The following PTPRD variants were observed in gnomAD, a reference collection of about 807,000 sequenced individuals.
The protein encoded by PTPRD is protein tyrosine phosphatase receptor type D.
A neutral mutation model predicts 214.5 loss-of-function variants in PTPRD; 34 were observed. The observed-to-expected ratio is 0.16, with a 90% confidence interval of 0.12 to 0.21. The LOEUF (loss-of-function observed/expected upper bound fraction) is 0.21, where lower values mean the gene tolerates loss of function less well. Among genes scored for constraint, PTPRD ranks in the 10% least tolerant of loss-of-function variants. The pLI is 1.00. For synonymous variants in PTPRD, 1,128 were observed against 845.7 expected (o/e 1.33, Z -5.79); for missense variants, 2,545 against 2,398.7 (o/e 1.06, Z -1.27).
intron 2 of PTPRD, among the ~76,000 whole-genome samples, chr9:10,366,915 A>T (rs1342650754): frequency 6.6e-6 from 1 of 152,188 alleles, no homozygotes; most frequent in Admixed American, 6.5e-5. Context: ...AAAGAACACC[A>T]GGATAATGAT....
chr9:9,802,257 T>A (rs578204855), intron 5 of PTPRD, among the ~76,000 whole-genome samples: 1 of 152,076 alleles, frequency 6.6e-6, no homozygotes, highest in South Asian at 2.1e-4. Context: ...AAGATTCCTA[T>A]GGGTTGATAG....
chr9:9,125,891 T>C (rs534707564), intron 10 of PTPRD, among the ~76,000 whole-genome samples: 9 of 152,146 alleles, frequency 5.9e-5, no homozygotes, highest in Non-Finnish European at 1.2e-4. Flanking sequence ...GAGGTGACCT[T>C]TGAGCTGAAA....
At position 8,416,442 on chromosome 9, in the gene PTPRD, T is replaced by C. The variant is rs138093521; in HGVS notation, c.4087-11782A>G. Among the ~76,000 whole-genome samples, 521 of 152,322 alleles carry C rather than the reference T, an allele frequency of 3.4e-3. 3 individuals carry two copies. The highest frequency in any genetic ancestry group is 0.014 in the Middle Eastern group (4 of 294). On this transcript the variant is annotated intron_variant, in intron 35 of 45. Coordinates refer to ENST00000381196, the MANE Select transcript of PTPRD (RefSeq NM_002839.4). Reference sequence around the variant, plus strand: ...TCTTTAATTTTTCCATTTATGAACATTGAACTACTTTCCAGGAAGAGGGAA... The same window carrying C: ...TCTTTAATTTTTCCATTTATGAACACTGAACTACTTTCCAGGAAGAGGGAA...
At chr9:9,646,244 G>A (rs2096160362) in intron 7 of PTPRD, among the ~76,000 whole-genome samples, 1 of 151,630 alleles carries the variant, frequency 6.6e-6, no homozygotes, top group Admixed American at 6.6e-5. Flanking sequence ...TGCTCTTGAT[G>A]GAAAGTTTTC....
chr9:10,236,492 T>A (rs2099629316), intron 3 of PTPRD, among the ~76,000 whole-genome samples: 1 of 151,970 alleles, frequency 6.6e-6, no homozygotes, highest in Non-Finnish European at 1.5e-5. Context: ...ATAATTTGCA[T>A]ACTTGACTAC....
intron 4 of PTPRD, among the ~76,000 whole-genome samples, chr9:9,951,208 C>G (rs2093424819): frequency 6.6e-6 from 1 of 151,986 alleles, no homozygotes; most frequent in East Asian, 1.9e-4. Context: ...GAATTAGAAG[C>G]TTTGAGGGAA....
At chr9:8,919,776 C>T (rs1014679879) in intron 11 of PTPRD, among the ~76,000 whole-genome samples, 1 of 149,746 alleles carries the variant, frequency 6.7e-6, no homozygotes, top group Non-Finnish European at 1.5e-5. Flanking sequence ...CATGTATATG[C>T]ACATCTATGC....
chr9:10,314,177 G>A (rs972906285), intron 3 of PTPRD, among the ~76,000 whole-genome samples: 3 of 151,874 alleles, frequency 2.0e-5, no homozygotes, highest in Non-Finnish European at 4.4e-5. Flanking sequence ...TATTAATATG[G>A]TAGATACATA....
chr9:8,513,444 A>T (rs1415445422), intron 21 of PTPRD, among the ~76,000 whole-genome samples: 2 of 152,088 alleles, frequency 1.3e-5, no homozygotes, highest in Non-Finnish European at 2.9e-5. Context: ...ATCCGGTTTC[A>T]AACAAAAACA....
chr9:8,815,656 G>C (rs1286733142), intron 11 of PTPRD, among the ~76,000 whole-genome samples: 1 of 152,056 alleles, frequency 6.6e-6, no homozygotes, highest in Non-Finnish European at 1.5e-5. Context: ...TGAGATTATG[G>C]GTTTTTTTTC....
At chr9:9,427,811 T>A (rs946725610) in intron 8 of PTPRD, among the ~76,000 whole-genome samples, 1 of 152,172 alleles carries the variant, frequency 6.6e-6, no homozygotes, top group Admixed American at 6.5e-5. Context: ...CCAGCCAAAC[T>A]AAGCTTCATA....
chr9:8,696,817 G>A (rs1171617862), intron 12 of PTPRD, among the ~76,000 whole-genome samples: 2 of 152,174 alleles, frequency 1.3e-5, no homozygotes, highest in East Asian at 3.9e-4. Context: ...AATTGCTTAT[G>A]CTGTAGAAGG....
intron 9 of PTPRD, among the ~76,000 whole-genome samples, chr9:9,369,643 T>C (rs1329210886): frequency 2.0e-5 from 3 of 152,274 alleles, no homozygotes; most frequent in Non-Finnish European, 4.4e-5. Context: ...TTTTGGCTTT[T>C]GTTGCCATTG....
intron 3 of PTPRD, among the ~76,000 whole-genome samples, chr9:10,142,392 A>G (rs774112052): frequency 2.6e-5 from 4 of 152,016 alleles, no homozygotes; most frequent in Non-Finnish European, 4.4e-5. Context: ...AAGGGCTAAT[A>G]TCCAGAATCT....
intron 39 of PTPRD, among the ~76,000 whole-genome samples, chr9:8,351,451 A>G (rs1210573217): frequency 6.6e-6 from 1 of 151,888 alleles, no homozygotes; most frequent in Non-Finnish European, 1.5e-5. Context: ...TAATGGAATT[A>G]AGAAGAAATA....
intron 8 of PTPRD, among the ~76,000 whole-genome samples, chr9:9,397,881 A>G (rs1258241747): frequency 6.6e-6 from 1 of 151,974 alleles, no homozygotes; most frequent in Non-Finnish European, 1.5e-5. Flanking sequence ...CATATACACC[A>G]CCTTCCTGAG....
intron 36 of PTPRD, among the ~76,000 whole-genome samples, chr9:8,400,556 A>C (rs187481517): frequency 3.3e-5 from 5 of 152,336 alleles, no homozygotes; most frequent in Admixed American, 1.3e-4. Context: ...AAGATAAAAT[A>C]GATTTTTAGG....
chr9:9,988,329 T>C (rs529961956), intron 4 of PTPRD, among the ~76,000 whole-genome samples: 4 of 152,302 alleles, frequency 2.6e-5, no homozygotes, highest in Admixed American at 1.3e-4. Flanking sequence ...TGTTTTGTTT[T>C]CTCTATCAGA....
chr9:9,697,364 G>A (rs780449688), intron 7 of PTPRD, among the ~76,000 whole-genome samples: 1 of 152,006 alleles, frequency 6.6e-6, no homozygotes, highest in Admixed American at 6.6e-5. Flanking sequence ...TGTAAGATGG[G>A]TCTGATGGTT....
Sources: gnomAD v4.1 joint callset for allele counts (sites outside exome capture counted in the v4.1 genomes callset) on GRCh38, gnomAD v4.1.1 for gene constraint, MANE v1.5 for transcripts, NCBI Gene and HGNC (gene_info 2026-07-23, HGNC 2026-07-21) for gene names.